WWP1: variants seen among roughly 807,000 people sequenced by gnomAD.
WWP1 encodes the protein WW domain containing E3 ubiquitin protein ligase 1.
In WWP1, 49 loss-of-function variants were observed where a neutral mutation model predicts 130.6. That is an observed-to-expected ratio of 0.38 (90% CI 0.30 to 0.48). The LOEUF is 0.48. WWP1 is among the 20% of genes least tolerant of loss of function. The probability of loss-of-function intolerance (pLI) is 0.99; values close to 1 mark genes in which losing one functional copy is unlikely to be tolerated. For synonymous variants in WWP1, 332 were observed against 367.8 expected (o/e 0.90, Z 1.11); for missense variants, 809 against 1,100.6 (o/e 0.74, Z 3.75).
intron 22 of WWP1, among the ~76,000 whole-genome samples, chr8:86,459,927 A>T (rs1237583424): frequency 6.6e-6 from 1 of 152,214 alleles, no homozygotes; most frequent in African/African-American, 2.4e-5. Context: ...TTGTGTTCTG[A>T]TGAAATATGT....
rs148344407 is a variant in WWP1, at chr8:86,430,727, T to A, written c.1363T>A (p.Tyr455Asn). ...AATGTTAGCTGCAGAAAATGACCCT[T>A]ATGGACCTTTGCCACCAGGCTGGGG... ...ASMLAAENDP[Y>N]GPLPPGWEKR... Residue 455 changes from tyrosine to asparagine, a missense_variant, in exon 12 of 25, where the codon TAT (tyrosine) becomes AAT (asparagine). Physicochemically the swap from Tyr to Asn is moderately radical, Grantham distance 143 (BLOSUM62 -2). This residue lies in a region of WWP1 where 450 missense variants were observed against 674.2 expected (regional missense o/e 0.67). Coordinates refer to ENST00000517970, the MANE Select transcript of WWP1 (RefSeq NM_007013.4). 1.9e-6 allele frequency: 3 copies of A among 1,573,790 alleles called. No individual in the cohort carries two copies. The highest frequency in any genetic ancestry group is 2.6e-6 in the Non-Finnish European group (3 of 1,158,460).
intron 8 of WWP1, among the ~76,000 whole-genome samples, chr8:86,402,412 A>G (rs1430940752): frequency 6.7e-6 from 1 of 150,312 alleles, no homozygotes; most frequent in Non-Finnish European, 1.5e-5. Context: ...CAGCCTCCCA[A>G]GTAGCTGGGA....
Position 86,466,818 on chromosome 8 carries a change from A to G in WWP1, c.2694A>G (p.Pro898=), listed in dbSNP as rs113657203. 3.9e-4 allele frequency: 627 copies of G among 1,601,408 alleles called. 6 individuals are homozygous for G. In the African/African-American group the frequency reaches 7.2e-3, roughly 18 times the overall value. ...GTTTTAATCGCTTGGATCTACCACC[A>G]TATAAGAGTTATGAACAACTAAAGG... ...HTCFNRLDLP[P]YKSYEQLKEK... Residue 898 remains proline (P), a synonymous_variant, in exon 25 of 25, where the codon CCA becomes CCG. Transcript: ENST00000517970.
chr8:86,362,085 C>CATATAT (rs1823670077), intron 1 of WWP1, among the ~76,000 whole-genome samples: 3 of 140,218 alleles, frequency 2.1e-5, no homozygotes, highest in African/African-American at 8.1e-5. Context: ...CATATATACA[C>CATATAT]ACATATATAT....
At chr8:86,365,183 T>G (rs1823900640) in intron 1 of WWP1, among the ~76,000 whole-genome samples, 1 of 152,094 alleles carries the variant, frequency 6.6e-6, no homozygotes, top group African/African-American at 2.4e-5. Context: ...TGAAATTGGG[T>G]GATAACGAAT....
rs532155483 is a variant in WWP1 at position 86,436,403 on chromosome 8, C to T, written c.1749+699C>T. 1.3e-5 allele frequency among the ~76,000 whole-genome samples: 2 copies of T among 152,074 alleles called. 1 individual carries two copies. Among genetic ancestry groups the T allele is most frequent in the South Asian group, 4.2e-4 (2 of 4,814 alleles). On this transcript the variant is annotated intron_variant, in intron 16 of 24. Transcript: ENST00000517970. Reference sequence around the variant, plus strand: ...TGTTTAAATGTGATCTCAGAGAGACCTTCTCTGAGCCTACTATTTTAAGAT... The same window carrying T: ...TGTTTAAATGTGATCTCAGAGAGACTTTCTCTGAGCCTACTATTTTAAGAT...
At chr8:86,450,399 C>A (rs560883371) in intron 20 of WWP1, among the ~76,000 whole-genome samples, 2 of 152,226 alleles carry the variant, frequency 1.3e-5, no homozygotes, top group East Asian at 3.9e-4. Context: ...AAAATATATT[C>A]ATCAAAAGAT....
intron 5 of WWP1, among the ~76,000 whole-genome samples, chr8:86,392,975 T>C (rs535827226): frequency 6.6e-6 from 1 of 152,272 alleles, no homozygotes; most frequent in South Asian, 2.1e-4. Context: ...AGCACCCATT[T>C]GTAAATATTT....
intron 5 of WWP1, among the ~76,000 whole-genome samples, chr8:86,390,725 A>AGG (rs1337524916): frequency 2.4e-5 from 2 of 83,646 alleles, no homozygotes; most frequent in Non-Finnish European, 4.7e-5. Flanking sequence ...GGGGAGGGAG[A>AGG]GGGGGAGGGA....
intron 5 of WWP1, among the ~76,000 whole-genome samples, chr8:86,390,899 G>C (rs1431810433): frequency 6.6e-6 from 1 of 152,020 alleles, no homozygotes; most frequent in Non-Finnish European, 1.5e-5. Context: ...CTTTGTTAAG[G>C]CTCCCTATTG....
At chr8:86,371,058 G>C (rs903541812) in intron 2 of WWP1, among the ~76,000 whole-genome samples, 4 of 112,066 alleles carry the variant, frequency 3.6e-5, no homozygotes, top group Non-Finnish European at 5.7e-5. Context: ...TTTTTTTTTT[G>C]GTAGAGGCGA....
intron 5 of WWP1, among the ~76,000 whole-genome samples, chr8:86,393,083 A>G (rs910146795): frequency 2.6e-5 from 4 of 152,144 alleles, no homozygotes; most frequent in African/African-American, 7.2e-5. Context: ...ATACTTCATC[A>G]TTTATGATTG....
At chr8:86,349,658 G>A (rs1822802217) in intron 1 of WWP1, among the ~76,000 whole-genome samples, 1 of 152,022 alleles carries the variant, frequency 6.6e-6, no homozygotes, top group Non-Finnish European at 1.5e-5. Flanking sequence ...TACGCAAATG[G>A]GAATACCTAG....
intron 1 of WWP1, among the ~76,000 whole-genome samples, chr8:86,347,161 AT>A (rs897058986): frequency 1.1e-3 from 167 of 152,114 alleles, no homozygotes; most frequent in African/African-American, 3.8e-3. Context: ...AATTTTTAAA[AT>A]TTTTTATAGA....
chr8:86,352,971 T>C (rs969721563), intron 1 of WWP1, among the ~76,000 whole-genome samples: 1 of 152,190 alleles, frequency 6.6e-6, no homozygotes, highest in Non-Finnish European at 1.5e-5. Flanking sequence ...AGCTAGAAGT[T>C]ATGATTCATT....
chr8:86,375,275 G>A (rs1392020154), intron 3 of WWP1, among the ~76,000 whole-genome samples: 1 of 151,862 alleles, frequency 6.6e-6, no homozygotes, highest in Non-Finnish European at 1.5e-5. Flanking sequence ...TCACCAAATT[G>A]ATAATTAGTT....
At chr8:86,459,008 T>C (rs1375019277) in intron 22 of WWP1, among the ~76,000 whole-genome samples, 1 of 146,628 alleles carries the variant, frequency 6.8e-6, no homozygotes, top group Non-Finnish European at 1.5e-5. Context: ...GTCATTCTTT[T>C]TCTTTTTCTT....
rs1474610379 is a variant in WWP1 at position 86,431,617 on chromosome 8, T to C, written c.1475T>C (p.Leu492Ser). The C allele has an allele frequency of 6.2e-7, 1 of 1,613,482 alleles. No individual in the cohort carries two copies. Among genetic ancestry groups the C allele is most frequent in the Admixed American group, 1.7e-5 (1 of 59,924 alleles). The part of the protein sequence containing the change: ...TQWEDPRTQG[L>S]QNEEPLPEGW... ...GTGATTTTAACTTTATCTTTTAGCT[T>C]ACAGAATGAAGAACCCCTGCCAGAA... The change falls in exon 14 of 25, where the codon TTA (leucine) becomes TCA (serine). Residue 492 changes from leucine to serine, a missense_variant and splice_region_variant. This residue lies in a region of WWP1 where 450 missense variants were observed against 674.2 expected (regional missense o/e 0.67). Coordinates refer to ENST00000517970, the MANE Select transcript of WWP1 (RefSeq NM_007013.4).
At chr8:86,443,837 G>T (rs1369430351) in intron 18 of WWP1, among the ~76,000 whole-genome samples, 1 of 152,160 alleles carries the variant, frequency 6.6e-6, no homozygotes, top group African/African-American at 2.4e-5. Context: ...TCTAATGTGG[G>T]AGTGCATTCT....
Sources: allele counts gnomAD v4.1 joint callset (sites outside exome capture counted in the v4.1 genomes callset), GRCh38; gene constraint gnomAD v4.1.1; regional missense constraint gnomAD v4.1.1; transcripts MANE v1.5; gene names NCBI Gene and HGNC (gene_info 2026-07-23, HGNC 2026-07-21).